ARHGAP40: variants seen among roughly 807,000 people sequenced by gnomAD.
ARHGAP40 encodes rho GTPase-activating protein 40.
In ARHGAP40, 43 loss-of-function variants were observed where a neutral mutation model predicts 73.5. The observed-to-expected ratio is 0.58, with a 90% CI of 0.46 to 0.75. The LOEUF is 0.75. ARHGAP40 is among the 30% of genes least tolerant of loss of function. The pLI, the probability that ARHGAP40 is intolerant of heterozygous loss-of-function variation, is 0.00. For synonymous variants in ARHGAP40, 300 were observed against 352.8 expected, an observed-to-expected ratio of 0.85 and a Z score of 1.68; for missense variants, 734 against 861.8, an observed-to-expected ratio of 0.85 and a Z score of 1.86.
chr20:38,608,868 T>C (rs2088788563), intron 1 of ARHGAP40, among the ~76,000 whole-genome samples: 1 of 152,216 alleles, frequency 6.6e-6, no homozygotes, highest in African/African-American at 2.4e-5. Flanking sequence ...ATCAATTTTC[T>C]AGCTTCAAGA....
At chr20:38,630,082 TTTTC>T (rs1555792070) in intron 5 of ARHGAP40, among the ~76,000 whole-genome samples, 20 of 90,758 alleles carry the variant, frequency 2.2e-4, no homozygotes, top group Admixed American at 1.2e-3. Context: ...CTTTCTTTCT[TTTTC>T]TTTCTTTCTT....
At chr20:38,650,328 T>A (rs1166802721) in exon 15 of ARHGAP40, 2 of 471,100 alleles carry the variant, frequency 4.2e-6, no homozygotes, top group South Asian at 3.1e-5. Flanking sequence ...GTAGTTGGGG[T>A]CTTTTCCCCC....
intron 1 of ARHGAP40, among the ~76,000 whole-genome samples, chr20:38,602,934 T>C (rs1344396410): frequency 6.6e-6 from 1 of 152,236 alleles, no homozygotes; most frequent in Non-Finnish European, 1.5e-5. Flanking sequence ...TTAGGTTGGT[T>C]CCAATTTTTA....
intron 13 of ARHGAP40, among the ~76,000 whole-genome samples, chr20:38,647,393 T>C (rs1247623138): frequency 1.3e-5 from 2 of 152,086 alleles, no homozygotes; most frequent in African/African-American, 4.8e-5. Context: ...TGTTTGTTTG[T>C]TTGTTTGTTT....
At chr20:38,637,123 C>T (rs148003835) in intron 6 of ARHGAP40, among the ~76,000 whole-genome samples, 105 of 152,012 alleles carry the variant, frequency 6.9e-4, no homozygotes, top group African/African-American at 2.4e-3. Context: ...TCTGGAGCAG[C>T]AGCGTGCTTC....
Position 38,622,830 on chromosome 20 carries a change from A to T in ARHGAP40, c.138-529A>T, listed in dbSNP as rs139198111. On this transcript the variant is annotated intron_variant, in intron 1 of 14. Coordinates refer to ENST00000373345, the Ensembl canonical transcript of ARHGAP40. ...TTGAGAGAATGAGATTGGCTCAGTG[A>T]TGTATAGCACCTCTGTGATCAGGTA... Among the ~76,000 whole-genome samples the T allele has an allele frequency of 1.8e-3, 275 of 152,170 alleles. 1 individual carries two copies. Among genetic ancestry groups the T allele is most frequent in the Non-Finnish European group, 2.1e-3 (145 of 67,996 alleles).
chr20:38,644,577 A>G (rs2089039947), intron 11 of ARHGAP40, among the ~76,000 whole-genome samples: 1 of 149,566 alleles, frequency 6.7e-6, no homozygotes, highest in South Asian at 2.1e-4. Context: ...CTACCCATCC[A>G]TCCATCCACC....
chr20:38,619,809 A>G lies in ARHGAP40; in HGVS notation c.138-3550A>G, dbSNP rs114531576. 4.0e-3 allele frequency among the ~76,000 whole-genome samples: 613 copies of G among 151,916 alleles called. 6 individuals carry two copies. The highest frequency in any genetic ancestry group is 0.014 in the African/African-American group (588 of 41,390). ...TGATGTATTAAACTGAGGTTTGGCC[A>G]GGCTTGATGGCTTACATGTGGAATC... is the stretch of plus-strand genomic sequence containing the variant. On this transcript the variant is annotated intron_variant, in intron 1 of 14. Coordinates refer to ENST00000373345, the Ensembl canonical transcript of ARHGAP40.
At chr20:38,604,680 C>A (rs1178314088) in intron 1 of ARHGAP40, among the ~76,000 whole-genome samples, 1 of 152,102 alleles carries the variant, frequency 6.6e-6, no homozygotes, top group African/African-American at 2.4e-5. Flanking sequence ...AAGCGTGAGC[C>A]AATGCGCCTG....
intron 3 of ARHGAP40, among the ~76,000 whole-genome samples, chr20:38,627,559 GTA>G (rs1279964722): frequency 1.3e-4 from 19 of 143,510 alleles, no homozygotes; most frequent in Non-Finnish European, 2.6e-4. Context: ...GTGTGTTGGG[GTA>G]TGTGTGTTGA....
At chr20:38,634,357 A>G (rs56263386) in intron 5 of ARHGAP40, among the ~76,000 whole-genome samples, 5,177 of 152,248 alleles carry the variant, frequency 0.034, 102 homozygotes, top group Non-Finnish European at 0.053. Context: ...GTTTCCAAAG[A>G]AAAAAACAAA....
At chr20:38,643,178 A>G (rs947452692) in intron 10 of ARHGAP40, among the ~76,000 whole-genome samples, 2 of 151,926 alleles carry the variant, frequency 1.3e-5, no homozygotes, top group African/African-American at 4.8e-5. Flanking sequence ...AACAAAAAAA[A>G]CCTACCTTAT....
Position 38,607,553 on chromosome 20 carries a change from C to T in ARHGAP40, c.137+5474C>T, listed in dbSNP as rs999871987. ...TGGAGCTTCCTATTTTCCCTCTTTT[C>T]TCACAATGAAGCAGAGGTGAAGGTG... On this transcript the variant is annotated intron_variant, in intron 1 of 14. Coordinates refer to ENST00000373345, the Ensembl canonical transcript of ARHGAP40. Among the ~76,000 whole-genome samples, 4 of 152,192 alleles carry T rather than the reference C, an allele frequency of 2.6e-5. No individual in the cohort carries two copies. The East Asian group carries it at 5.8e-4, about 22-fold the overall frequency.
chr20:38,614,182 T>C (rs904539779), intron 1 of ARHGAP40, among the ~76,000 whole-genome samples: 1 of 151,978 alleles, frequency 6.6e-6, no homozygotes, highest in South Asian at 2.1e-4. Flanking sequence ...GTTATGTGAG[T>C]GATATGGGTA....
At position 38,649,744 on chromosome 20, in the gene ARHGAP40, C is replaced by G; in HGVS notation, c.1937-13C>G. 7.7e-7 allele frequency: 1 copy of G among 1,303,788 alleles called. No homozygotes were observed. The highest frequency in any genetic ancestry group is 1.0e-6 in the Non-Finnish European group (1 of 987,544). 80.8% of individuals were successfully genotyped at this position (1,303,788 alleles called of 1,614,324 possible). A position where few individuals can be genotyped will look rare whatever the true frequency, so the allele number is the denominator to read the frequency against. ...GCCTCCCACTCAACCTCCTTCACCC[C>G]TTCTTCCCACAGATGAGCATCGCCT... On this transcript the variant is annotated splice_polypyrimidine_tract_variant and intron_variant, in intron 14 of 14. Transcript: ENST00000373345.
chr20:38,627,533 G>C (rs1187592655), intron 3 of ARHGAP40, among the ~76,000 whole-genome samples: 1 of 82,756 alleles, frequency 1.2e-5, no homozygotes, highest in Non-Finnish European at 2.9e-5. Context: ...GTTGGGGTAT[G>C]TGTGTGTGTG....
intron 14 of ARHGAP40, among the ~76,000 whole-genome samples, chr20:38,649,448 C>T (rs981529139): frequency 1.3e-5 from 2 of 152,184 alleles, no homozygotes; most frequent in Admixed American, 1.3e-4. Flanking sequence ...GCCTGATCCA[C>T]TAGGTGGCTC....
At chr20:38,617,272 C>A (rs554484276) in intron 1 of ARHGAP40, among the ~76,000 whole-genome samples, 2 of 152,204 alleles carry the variant, frequency 1.3e-5, no homozygotes, top group Non-Finnish European at 2.9e-5. Flanking sequence ...AACAGGCTCT[C>A]GGCTTCGCTG....
intron 5 of ARHGAP40, among the ~76,000 whole-genome samples, chr20:38,633,744 G>A (rs945227930): frequency 2.0e-5 from 3 of 152,220 alleles, no homozygotes; most frequent in African/African-American, 4.8e-5. Flanking sequence ...TGGCCCTCCC[G>A]CTTGCCTTCT....
Sources: allele counts gnomAD v4.1 joint callset (sites outside exome capture counted in the v4.1 genomes callset), GRCh38; gene constraint gnomAD v4.1.1; transcripts MANE v1.5; gene names NCBI Gene and HGNC (gene_info 2026-07-23, HGNC 2026-07-21).